Variants in PKNOX2 observed in about 807,000 individuals in gnomAD.
The protein encoded by PKNOX2 is homeobox protein PKNOX2.
In PKNOX2, 14 loss-of-function variants were observed where a neutral mutation model predicts 53.1. That is an observed-to-expected ratio of 0.26 (90% CI 0.17 to 0.41). The LOEUF (loss-of-function observed/expected upper bound fraction) is 0.41, where lower values mean the gene tolerates loss of function less well. Ranked by LOEUF, PKNOX2 falls within the 10% of genes least tolerant of loss-of-function variation. PKNOX2 has a pLI of 1.00. For synonymous variants in PKNOX2, 257 were observed against 242.8 expected, an observed-to-expected ratio of 1.06 and a Z score of -0.54; for missense variants, 496 against 602.8, an observed-to-expected ratio of 0.82 and a Z score of 1.85.
chr11:125,310,409 T>A (rs1290862056), intron 2 of PKNOX2, among the ~76,000 whole-genome samples: 1 of 151,746 alleles, frequency 6.6e-6, no homozygotes, highest in Non-Finnish European at 1.5e-5. Flanking sequence ...GCAGGAGAAT[T>A]GCTTGAACCC....
intron 2 of PKNOX2, among the ~76,000 whole-genome samples, chr11:125,326,093 GT>G (rs1479988172): frequency 2.0e-5 from 3 of 152,172 alleles, no homozygotes; most frequent in Admixed American, 2.0e-4. Flanking sequence ...ACTCACCTAG[GT>G]ATGTATGGAA....
At chr11:125,312,794 T>C in intron 2 of PKNOX2, among the ~76,000 whole-genome samples, 1 of 151,964 alleles carries the variant, frequency 6.6e-6, no homozygotes, top group South Asian at 2.1e-4. Flanking sequence ...GAGGCAGAAA[T>C]TACTGTCCGC....
At chr11:125,176,181 G>A (rs1955694544) in intron 1 of PKNOX2, among the ~76,000 whole-genome samples, 1 of 152,214 alleles carries the variant, frequency 6.6e-6, no homozygotes, top group African/African-American at 2.4e-5. Context: ...GCTCGTGGTT[G>A]TTCTCAAGTA....
intron 1 of PKNOX2, among the ~76,000 whole-genome samples, chr11:125,222,921 C>T (rs1321911521): frequency 6.6e-6 from 1 of 152,040 alleles, no homozygotes; most frequent in Non-Finnish European, 1.5e-5. Context: ...AATGAATGAG[C>T]CTAGTTAGGA....
intron 3 of PKNOX2, among the ~76,000 whole-genome samples, chr11:125,343,164 C>CCA: frequency 6.6e-6 from 1 of 152,062 alleles, no homozygotes; most frequent in East Asian, 1.9e-4. Flanking sequence ...GGAGAGGTAC[C>CCA]CTAAGTTGAA....
chr11:125,402,769 T>C (rs935977233), intron 7 of PKNOX2, among the ~76,000 whole-genome samples: 1 of 152,084 alleles, frequency 6.6e-6, no homozygotes, highest in African/African-American at 2.4e-5. Context: ...TGGCTTGAGG[T>C]TGCCCCAGTC....
chr11:125,419,529 T>C (rs1276980531), intron 10 of PKNOX2, among the ~76,000 whole-genome samples: 1 of 151,792 alleles, frequency 6.6e-6, no homozygotes, highest in Non-Finnish European at 1.5e-5. Context: ...TGCTACCTTT[T>C]CCTTTAACTT....
At chr11:125,383,485 C>T (rs928129085) in intron 5 of PKNOX2, among the ~76,000 whole-genome samples, 4 of 147,846 alleles carry the variant, frequency 2.7e-5, no homozygotes, top group African/African-American at 1.0e-4. Context: ...GGCATGATGG[C>T]GGGAACCTAT....
intron 6 of PKNOX2, among the ~76,000 whole-genome samples, chr11:125,391,963 A>G (rs1954075904): frequency 6.6e-6 from 1 of 152,204 alleles, no homozygotes; most frequent in Non-Finnish European, 1.5e-5. Context: ...ATAAATCAGA[A>G]TTTTCTAACT....
chr11:125,254,368 A>G (rs1255224402), intron 2 of PKNOX2, among the ~76,000 whole-genome samples: 4 of 152,036 alleles, frequency 2.6e-5, no homozygotes, highest in Non-Finnish European at 4.4e-5. Flanking sequence ...GGCTGGTGCC[A>G]CCTCCTCAGC....
intron 2 of PKNOX2, among the ~76,000 whole-genome samples, chr11:125,235,569 G>T (rs1942606806): frequency 6.6e-6 from 1 of 152,212 alleles, no homozygotes; most frequent in African/African-American, 2.4e-5. Flanking sequence ...AAAAGGAAAT[G>T]CTGCTGACCG....
At chr11:125,268,498 C>CAG (rs1176944766) in intron 2 of PKNOX2, among the ~76,000 whole-genome samples, 1 of 152,170 alleles carries the variant, frequency 6.6e-6, no homozygotes, top group African/African-American at 2.4e-5. Flanking sequence ...AGTAGGAGAG[C>CAG]AGTTTGCTCA....
At chr11:125,345,170 G>A (rs958297711) in intron 3 of PKNOX2, among the ~76,000 whole-genome samples, 3 of 152,162 alleles carry the variant, frequency 2.0e-5, no homozygotes, top group Non-Finnish European at 2.9e-5. Flanking sequence ...AGAGGCAGGC[G>A]AGGGTGTTTG....
chr11:125,168,799 A>G (rs1955072954), intron 1 of PKNOX2, among the ~76,000 whole-genome samples: 1 of 152,242 alleles, frequency 6.6e-6, no homozygotes, highest in Non-Finnish European at 1.5e-5. Context: ...TTAGATGTTT[A>G]AATGTTAGAG....
chr11:125,382,619 A>G (rs1953331559), intron 5 of PKNOX2, among the ~76,000 whole-genome samples: 1 of 152,276 alleles, frequency 6.6e-6, no homozygotes. Context: ...TTTGCCTTTC[A>G]TGTCCCTCAG....
chr11:125,186,050 T>TA (rs1430731748), intron 1 of PKNOX2, among the ~76,000 whole-genome samples: 1 of 44,620 alleles, frequency 2.2e-5, no homozygotes, highest in Non-Finnish European at 5.0e-5. Context: ...TTATTCTCTG[T>TA]TTTTTTTTTA....
intron 1 of PKNOX2, among the ~76,000 whole-genome samples, chr11:125,192,522 G>T (rs575907402): frequency 1.8e-4 from 27 of 152,286 alleles, no homozygotes; most frequent in African/African-American, 6.3e-4. Flanking sequence ...TCTGGGGAAG[G>T]TGGAGACCTA....
In PKNOX2 at chr11:125,411,462, TTCTCTCTCTC is replaced by T. The variant is rs3028442; in HGVS notation, c.817-245_817-236del. ...CTGCATGGCCCTGTTTCCTCTGTCT[TTCTCTCTCTC>T]TCTCTCTCTCTCTCTCTCTCTCTCT... is the stretch of plus-strand genomic sequence containing the variant. On this transcript the variant is annotated intron_variant, in intron 9 of 12. Coordinates refer to ENST00000298282, the MANE Select transcript of PKNOX2 (RefSeq NM_001382323.2). 1,301 of 252,418 alleles carry T rather than the reference TTCTCTCTCTC, an allele frequency of 5.2e-3. 1 individual carries two copies. The highest frequency in any genetic ancestry group is 7.1e-3 in the Middle Eastern group (5 of 700). 15.6% of individuals were successfully genotyped at this position (252,418 alleles called of 1,614,324 possible).
chr11:125,165,424 G>A lies in PKNOX2; in HGVS notation c.-201+648G>A, dbSNP rs150362050. On this transcript the variant is annotated intron_variant, in intron 1 of 12. Transcript: ENST00000298282. This position sits in a 1 kb window ranked among gnomAD's most constrained non-coding sequence, Gnocchi z 4.5. ...CAGGTTCTCTTTCTCCCGGCTTCGG[G>A]CGTCCTTGGGGCCGGCGCTTACTCC... Among the ~76,000 whole-genome samples the A allele has an allele frequency of 4.0e-3, 607 of 152,286 alleles. 9 individuals carry two copies. Among genetic ancestry groups the A allele is most frequent in the African/African-American group, 0.014 (572 of 41,584 alleles).
Sources: allele counts gnomAD v4.1 joint callset (sites outside exome capture counted in the v4.1 genomes callset), GRCh38; gene constraint gnomAD v4.1.1; non-coding constraint Gnocchi (gnomAD v3.1); transcripts MANE v1.5; gene names NCBI Gene and HGNC (gene_info 2026-07-23, HGNC 2026-07-21).